PRKG1: variants seen among roughly 807,000 people sequenced by gnomAD.
PRKG1 encodes cGMP-dependent protein kinase 1.
Under a neutral mutation model 88.1 loss-of-function variants are expected in PRKG1, and 35 were observed. The observed-to-expected ratio is 0.40, with a 90% CI of 0.30 to 0.53. The LOEUF (loss-of-function observed/expected upper bound fraction) is 0.53, where lower values mean the gene tolerates loss of function less well. Ranked by LOEUF, PRKG1 falls within the 20% of genes least tolerant of loss-of-function variation. PRKG1 has a pLI of 0.59. For synonymous variants in PRKG1, 303 were observed against 292.5 expected, an observed-to-expected ratio of 1.04 and a Z score of -0.37; for missense variants, 540 against 839.8, an observed-to-expected ratio of 0.64 and a Z score of 4.41.
rs932620459 is a variant in PRKG1 at position 51,053,723 on chromosome 10, T to A, written c.266+62079T>A. 2.5e-4 allele frequency among the ~76,000 whole-genome samples: 38 copies of A among 152,012 alleles called. 3 individuals are homozygous for A. On this transcript the variant is annotated intron_variant, in intron 1 of 17. Coordinates refer to the PRKG1 transcript ENST00000401604. ...AGATTAAACGTAAGTAGTTTAAGCTTCATAATTGCTTGACCACACAGCCTT... is the reference window on the plus strand; with the variant it reads ...AGATTAAACGTAAGTAGTTTAAGCTACATAATTGCTTGACCACACAGCCTT...
At chr10:52,074,519 G>GA (rs1846583779) in intron 7 of PRKG1, among the ~76,000 whole-genome samples, 1 of 152,056 alleles carries the variant, frequency 6.6e-6, no homozygotes, top group Non-Finnish European at 1.5e-5. Flanking sequence ...CACAAGATAA[G>GA]AAAAAATAAT....
chr10:51,732,502 A>G (rs1171615853), intron 3 of PRKG1, among the ~76,000 whole-genome samples: 1 of 152,224 alleles, frequency 6.6e-6, no homozygotes, highest in African/African-American at 2.4e-5. Flanking sequence ...ATGGTCAGAG[A>G]GGTATACAGA....
intron 1 of PRKG1, among the ~76,000 whole-genome samples, chr10:51,045,987 C>A (rs1011448892): frequency 6.6e-6 from 1 of 152,176 alleles, no homozygotes; most frequent in Non-Finnish European, 1.5e-5. Flanking sequence ...AGCACTAAAG[C>A]TACTCTTTTA....
At chr10:51,524,070 C>A (rs1476358870) in intron 3 of PRKG1, among the ~76,000 whole-genome samples, 1 of 152,100 alleles carries the variant, frequency 6.6e-6, no homozygotes, top group South Asian at 2.1e-4. Context: ...TGTGGCACCT[C>A]TCCCCTGGTT....
At chr10:51,427,860 G>A (rs7893709) in intron 2 of PRKG1, among the ~76,000 whole-genome samples, 5,567 of 152,236 alleles carry the variant, frequency 0.037, 325 homozygotes, top group African/African-American at 0.13. Flanking sequence ...GCTTAGATGT[G>A]CAGCATGAAG....
chr10:51,669,353 C>T (rs534436468), intron 3 of PRKG1, among the ~76,000 whole-genome samples: 11 of 152,226 alleles, frequency 7.2e-5, no homozygotes, highest in African/African-American at 2.2e-4. Flanking sequence ...AGGACACCAG[C>T]GCTAATGGAT....
At chr10:51,195,226 A>G (rs1837732484) in intron 2 of PRKG1, among the ~76,000 whole-genome samples, 1 of 152,228 alleles carries the variant, frequency 6.6e-6, no homozygotes, top group African/African-American at 2.4e-5. Context: ...TGATGAGGAC[A>G]TCTTATTCAT....
rs78782712 is a variant in PRKG1 at position 51,509,392 on chromosome 10, CTT to C, written c.592+41557_592+41558del. Among the ~76,000 whole-genome samples the C allele has an allele frequency of 7.9e-5, 12 of 152,262 alleles. No individual in the cohort carries two copies. The East Asian group carries it at 2.1e-3, about 27-fold the overall frequency. On this transcript the variant is annotated intron_variant, in intron 3 of 17. Coordinates refer to ENST00000373980, the MANE Select transcript of PRKG1 (RefSeq NM_006258.4). ...ACAAATTCAAGTCTCAATTTTATCA[CTT>C]AAGTTCAATGTCACTGTTTTCATTT...
intron 2 of PRKG1, among the ~76,000 whole-genome samples, chr10:51,208,850 G>T (rs1019836878): frequency 2.0e-5 from 3 of 152,144 alleles, no homozygotes; most frequent in African/African-American, 7.2e-5. Flanking sequence ...GAATGGAATA[G>T]GACTATCATG....
intron 2 of PRKG1, among the ~76,000 whole-genome samples, chr10:51,210,838 A>T (rs1838195714): frequency 6.6e-6 from 1 of 152,182 alleles, no homozygotes; most frequent in Non-Finnish European, 1.5e-5. Flanking sequence ...TACCAACCAA[A>T]AAAAGTCCAG....
At chr10:52,058,984 A>G (rs745953818) in intron 6 of PRKG1, among the ~76,000 whole-genome samples, 35 of 152,050 alleles carry the variant, frequency 2.3e-4, no homozygotes, top group Non-Finnish European at 3.8e-4. Flanking sequence ...ACACCAAAGT[A>G]CCCACTTTAA....
chr10:51,160,752 G>T (rs1051697342), intron 2 of PRKG1, among the ~76,000 whole-genome samples: 1 of 152,104 alleles, frequency 6.6e-6, no homozygotes, highest in African/African-American at 2.4e-5. Flanking sequence ...CTGTTGGGGG[G>T]ACAGCTTTAC....
rs181592142 is a variant in PRKG1, at chr10:51,309,269, T to A, written c.478+155939T>A. Among the ~76,000 whole-genome samples, 5 of 152,240 alleles carry A rather than the reference T, an allele frequency of 3.3e-5. No homozygotes were observed. In the East Asian group the frequency reaches 9.7e-4, roughly 29 times the overall value. On this transcript the variant is annotated intron_variant, in intron 2 of 17. Coordinates refer to ENST00000373980, the MANE Select transcript of PRKG1 (RefSeq NM_006258.4). ...TCCCAGTCTCTTTCATAAACTCCTA[T>A]TGGATTAAATAATCAACAGAGTGAA...
chr10:51,471,428 C>T (rs1366174116), intron 3 of PRKG1, among the ~76,000 whole-genome samples: 1 of 151,752 alleles, frequency 6.6e-6, no homozygotes, highest in African/African-American at 2.4e-5. Flanking sequence ...TTTGAATACC[C>T]CTTACTTACT....
chr10:52,061,534 T>C (rs185216076), intron 6 of PRKG1, among the ~76,000 whole-genome samples: 90 of 152,244 alleles, frequency 5.9e-4, no homozygotes, highest in Non-Finnish European at 1.0e-3. Flanking sequence ...TATTTTTGTT[T>C]TCATTCATGC....
chr10:51,422,013 C>T (rs1004027899), intron 2 of PRKG1, among the ~76,000 whole-genome samples: 1 of 152,212 alleles, frequency 6.6e-6, no homozygotes, highest in Non-Finnish European at 1.5e-5. Flanking sequence ...TCATTCACTT[C>T]ACAAGCTCTA....
chr10:51,121,828 A>G (rs911398518), intron 1 of PRKG1, among the ~76,000 whole-genome samples: 1 of 152,160 alleles, frequency 6.6e-6, no homozygotes, highest in Non-Finnish European at 1.5e-5. Flanking sequence ...GGTCTTGCAC[A>G]GTAATATATT....
At chr10:51,036,879 C>T (rs1843359890) in intron 1 of PRKG1, among the ~76,000 whole-genome samples, 1 of 152,118 alleles carries the variant, frequency 6.6e-6, no homozygotes, top group South Asian at 2.1e-4. Context: ...TCAATAGTTG[C>T]AATTCAACTA....
chr10:51,401,457 C>A (rs1837738192), intron 2 of PRKG1, among the ~76,000 whole-genome samples: 1 of 152,120 alleles, frequency 6.6e-6, no homozygotes, highest in Non-Finnish European at 1.5e-5. Flanking sequence ...TGTTTGCTTC[C>A]TTTTCCATAT....
Sources: allele counts gnomAD v4.1 joint callset (sites outside exome capture counted in the v4.1 genomes callset), GRCh38; gene constraint gnomAD v4.1.1; transcripts MANE v1.5; gene names NCBI Gene and HGNC (gene_info 2026-07-23, HGNC 2026-07-21).